SNX6: variants seen among roughly 807,000 people sequenced by gnomAD.
SNX6 encodes the protein sorting nexin-6.
In SNX6, 34 loss-of-function variants were observed where a neutral mutation model predicts 63.0. The observed-to-expected ratio is 0.54, with a 90% CI of 0.41 to 0.72. The LOEUF (loss-of-function observed/expected upper bound fraction) is 0.72, where lower values mean the gene tolerates loss of function less well. SNX6 is among the 30% of genes least tolerant of loss of function. The pLI, the probability that SNX6 is intolerant of heterozygous loss-of-function variation, is 0.00. For synonymous variants in SNX6, 170 were observed against 164.2 expected (o/e 1.04, Z -0.27); for missense variants, 398 against 471.4 (o/e 0.84, Z 1.44).
chr14:34,574,109 G>A (rs1036085715), intron 11 of SNX6, among the ~76,000 whole-genome samples: 1 of 150,394 alleles, frequency 6.6e-6, no homozygotes, highest in African/African-American at 2.4e-5. Context: ...AGGCCGAGGT[G>A]GGGGGATCAC....
At chr14:34,568,995 C>G in intron 11 of SNX6, 1 of 1,465,124 alleles carries the variant, frequency 6.8e-7, no homozygotes, top group Admixed American at 1.7e-5. Context: ...AGGGAGCAAG[C>G]TCTTTGTGCT....
chr14:34,581,236 G>A (rs958020444), intron 10 of SNX6, among the ~76,000 whole-genome samples: 3 of 152,014 alleles, frequency 2.0e-5, no homozygotes, highest in South Asian at 2.1e-4. Flanking sequence ...TCACTACAAC[G>A]TTGGCCTCCC....
At chr14:34,565,703 A>C (rs549239637) in intron 13 of SNX6, among the ~76,000 whole-genome samples, 48 of 116,470 alleles carry the variant, frequency 4.1e-4, no homozygotes, top group East Asian at 1.3e-3. Flanking sequence ...TTTCTTTTTT[A>C]TTTTGAGACG....
chr14:34,602,069 C>G (rs1882837354), intron 6 of SNX6, among the ~76,000 whole-genome samples: 1 of 151,602 alleles, frequency 6.6e-6, no homozygotes, highest in Non-Finnish European at 1.5e-5. Context: ...GCAGGTGGAT[C>G]ACCTGAGGTC....
At chr14:34,596,770 G>A (rs773557929) in intron 7 of SNX6, among the ~76,000 whole-genome samples, 1 of 151,608 alleles carries the variant, frequency 6.6e-6, no homozygotes. Flanking sequence ...GGCAACCTCC[G>A]CCTCCTAGGT....
chr14:34,619,025 G>A (rs921518949), intron 2 of SNX6, among the ~76,000 whole-genome samples: 1 of 152,158 alleles, frequency 6.6e-6, no homozygotes, highest in Non-Finnish European at 1.5e-5. Context: ...TTTGTGGAAT[G>A]TAAAGGAGGG....
chr14:34,600,072 G>A (rs1415941266), intron 6 of SNX6, among the ~76,000 whole-genome samples: 3 of 151,942 alleles, frequency 2.0e-5, no homozygotes, highest in African/African-American at 7.3e-5. Flanking sequence ...CTGTTGCCTG[G>A]GACAGCTTTC....
intron 7 of SNX6, among the ~76,000 whole-genome samples, chr14:34,597,109 T>A (rs913176571): frequency 6.6e-6 from 1 of 152,258 alleles, no homozygotes; most frequent in Admixed American, 6.5e-5. Flanking sequence ...CTAGGAGGAC[T>A]TCATGTGCAT....
intron 8 of SNX6, among the ~76,000 whole-genome samples, chr14:34,588,572 A>G (rs1882266850): frequency 6.6e-6 from 1 of 152,202 alleles, no homozygotes; most frequent in Admixed American, 6.6e-5. Flanking sequence ...AAAACTTATA[A>G]TAGCATAAAA....
intron 11 of SNX6, among the ~76,000 whole-genome samples, chr14:34,571,688 A>G (rs2138269442): frequency 6.6e-6 from 1 of 152,314 alleles, no homozygotes; most frequent in South Asian, 2.1e-4. Context: ...TGGTGGGCAC[A>G]TATCATGCAT....
chr14:34,591,703 G>C (rs942385166), intron 8 of SNX6, among the ~76,000 whole-genome samples: 3 of 152,136 alleles, frequency 2.0e-5, no homozygotes, highest in Admixed American at 2.0e-4. Flanking sequence ...TCCAAAATTC[G>C]AATTATTGCT....
At chr14:34,589,815 G>C (rs1882319162) in intron 8 of SNX6, among the ~76,000 whole-genome samples, 1 of 151,240 alleles carries the variant, frequency 6.6e-6, no homozygotes, top group Non-Finnish European at 1.5e-5. Context: ...GACAGAGAGA[G>C]ACTCTGTCTA....
In SNX6 at chr14:34,619,863, T is replaced by C. The variant is rs541509617; in HGVS notation, c.54+10044A>G. ...GGCTCACAAATTCCCATACTCAGGA[T>C]CTACTTATCTTTTATTTATTTATTT... On this transcript the variant is annotated intron_variant, in intron 2 of 13. Transcript: ENST00000362031. Among the ~76,000 whole-genome samples the C allele has an allele frequency of 5.9e-5, 9 of 152,116 alleles. No homozygotes were observed. The South Asian group carries it at 1.7e-3, about 28-fold the overall frequency.
In SNX6 at chr14:34,603,165, C is replaced by T. The variant is rs137975857; in HGVS notation, c.516+183G>A. ...TGGTGGCAGGCGCCTGTAGTCCCAG[C>T]TACTAGGGAGGCTGAGGCAGGAGAA... On this transcript the variant is annotated intron_variant, in intron 6 of 13. Coordinates refer to ENST00000362031, the MANE Select transcript of SNX6 (RefSeq NM_152233.4). Among the ~76,000 whole-genome samples the T allele has an allele frequency of 0.021, 3,252 of 151,430 alleles. 100 individuals carry two copies. The highest frequency in any genetic ancestry group is 0.071 in the African/African-American group (2,909 of 41,228).
At chr14:34,629,799 G>C (rs1883970545) in intron 2 of SNX6, 108 bp downstream of exon 2, 2 of 1,484,990 alleles carry the variant, frequency 1.3e-6, no homozygotes, top group Non-Finnish European at 9.1e-7. Context: ...GAGGACTACG[G>C]GGAGGGAGTG....
At chr14:34,564,031 G>A (rs1004882107) in intron 13 of SNX6, among the ~76,000 whole-genome samples, 1 of 151,458 alleles carries the variant, frequency 6.6e-6, no homozygotes, top group Non-Finnish European at 1.5e-5. Context: ...GAGCCACTGC[G>A]CTGGCCTTTG....
chr14:34,582,950 C>T (rs996370786), intron 9 of SNX6, among the ~76,000 whole-genome samples: 2 of 151,846 alleles, frequency 1.3e-5, no homozygotes, highest in South Asian at 4.2e-4. Context: ...CCTATCTCTA[C>T]TAAAAATACA....
chr14:34,616,754 G>A (rs1431840104), intron 2 of SNX6, among the ~76,000 whole-genome samples: 1 of 152,132 alleles, frequency 6.6e-6, no homozygotes, highest in Non-Finnish European at 1.5e-5. Context: ...AAGGACCGGA[G>A]TCAAGCAAAC....
chr14:34,573,053 C>T lies in SNX6; in HGVS notation c.921+2703G>A, dbSNP rs1465052188. Reference sequence around the variant, plus strand: ...CAACAGTATACAGTGGCAATCACGGCTCACTGCAGCTTTGAACTCCTGGGC... The same window carrying T: ...CAACAGTATACAGTGGCAATCACGGTTCACTGCAGCTTTGAACTCCTGGGC... On this transcript the variant is annotated intron_variant, in intron 11 of 13. Coordinates refer to ENST00000362031, the MANE Select transcript of SNX6 (RefSeq NM_152233.4). 2.0e-5 allele frequency among the ~76,000 whole-genome samples: 3 copies of T among 152,148 alleles called. No homozygotes were observed. In the East Asian group the frequency reaches 5.8e-4, roughly 29 times the overall value.
Sources: allele counts gnomAD v4.1 joint callset (sites outside exome capture counted in the v4.1 genomes callset), GRCh38; gene constraint gnomAD v4.1.1; transcripts MANE v1.5; gene names NCBI Gene and HGNC (gene_info 2026-07-23, HGNC 2026-07-21).